The following CNTNAP2 variants were observed in gnomAD, a reference collection of about 807,000 sequenced individuals.
CNTNAP2 encodes contactin-associated protein-like 2.
A neutral mutation model predicts 155.2 loss-of-function variants in CNTNAP2; 98 were observed. That is an observed-to-expected ratio of 0.63 (90% CI 0.54 to 0.75). The LOEUF is 0.75. Ranked by LOEUF, CNTNAP2 falls within the 30% of genes least tolerant of loss-of-function variation. CNTNAP2 has a pLI of 0.00. For missense variants in CNTNAP2, 1,727 were observed against 1,688.1 expected (o/e 1.02, Z -0.40); for synonymous variants, 651 against 631.2 (o/e 1.03, Z -0.47).
At chr7:147,966,923 A>C (rs1423068798) in intron 14 of CNTNAP2, among the ~76,000 whole-genome samples, 1 of 152,128 alleles carries the variant, frequency 6.6e-6, no homozygotes, top group African/African-American at 2.4e-5. Context: ...CAGTTTCTGC[A>C]CTTATTTATT....
intron 21 of CNTNAP2, among the ~76,000 whole-genome samples, chr7:148,340,845 G>A (rs574523017): frequency 6.6e-5 from 10 of 152,196 alleles, no homozygotes; most frequent in Non-Finnish European, 1.5e-4. Context: ...AACAGAAAGT[G>A]TAATTACCGC....
intron 9 of CNTNAP2, among the ~76,000 whole-genome samples, chr7:147,355,096 A>G (rs1796039911): frequency 6.6e-6 from 1 of 151,748 alleles, no homozygotes; most frequent in South Asian, 2.1e-4. Context: ...ACAACTTGAC[A>G]TCTGGCTTGA....
intron 15 of CNTNAP2, among the ~76,000 whole-genome samples, chr7:147,988,996 A>C (rs1801667154): frequency 6.6e-6 from 1 of 152,170 alleles, no homozygotes; most frequent in African/African-American, 2.4e-5. Context: ...TGTTTCAGTG[A>C]GGGTGAAAAT....
intron 1 of CNTNAP2, among the ~76,000 whole-genome samples, chr7:146,603,271 G>T (rs1212302443): frequency 6.6e-6 from 1 of 150,924 alleles, no homozygotes; most frequent in African/African-American, 2.4e-5. Flanking sequence ...CATTAGCCGG[G>T]CGTGGTGGCG....
At chr7:147,351,439 G>A (rs533654278) in intron 9 of CNTNAP2, among the ~76,000 whole-genome samples, 4 of 151,676 alleles carry the variant, frequency 2.6e-5, no homozygotes, top group African/African-American at 7.3e-5. Flanking sequence ...GAGAAAAATA[G>A]CATCTGAGCA....
intron 4 of CNTNAP2, among the ~76,000 whole-genome samples, chr7:147,080,100 C>T (rs1271221367): frequency 2.0e-5 from 3 of 151,874 alleles, no homozygotes; most frequent in African/African-American, 4.8e-5. Flanking sequence ...AAATATCCCC[C>T]CAATTAGGAG....
chr7:148,150,102 C>CA (rs71188948), intron 17 of CNTNAP2, among the ~76,000 whole-genome samples: 8,719 of 84,020 alleles, frequency 0.1, 1,340 homozygotes, highest in Non-Finnish European at 0.16. Context: ...GGGGTTGTTA[C>CA]AAAAAAAAAA....
chr7:147,230,013 T>C (rs1397525501), intron 8 of CNTNAP2, among the ~76,000 whole-genome samples: 2 of 152,140 alleles, frequency 1.3e-5, no homozygotes, highest in Admixed American at 1.3e-4. Flanking sequence ...AGCAAAAATA[T>C]AGTTACTAAA....
intron 1 of CNTNAP2, among the ~76,000 whole-genome samples, chr7:146,746,950 G>A (rs1403396675): frequency 6.6e-6 from 1 of 152,014 alleles, no homozygotes; most frequent in Admixed American, 6.6e-5. Flanking sequence ...GGATATTTCT[G>A]TAGAAAATAA....
intron 2 of CNTNAP2, among the ~76,000 whole-genome samples, chr7:146,826,056 G>C (rs1803394061): frequency 2.0e-5 from 3 of 151,958 alleles, no homozygotes; most frequent in African/African-American, 7.2e-5. Flanking sequence ...ATGTCTTTTA[G>C]AGCTGAGCCT....
intron 21 of CNTNAP2, among the ~76,000 whole-genome samples, chr7:148,317,786 C>T (rs962459889): frequency 1.3e-5 from 2 of 151,824 alleles, no homozygotes; most frequent in Non-Finnish European, 2.9e-5. Context: ...CTGCAAGCTC[C>T]GCCTCCCGGG....
intron 13 of CNTNAP2, among the ~76,000 whole-genome samples, chr7:147,832,129 A>G (rs1798556463): frequency 6.8e-6 from 1 of 147,536 alleles, no homozygotes; most frequent in African/African-American, 2.5e-5. Context: ...ATACAATTAT[A>G]TTTTTATATT....
chr7:147,884,429 C>T (rs777473859), intron 13 of CNTNAP2, among the ~76,000 whole-genome samples: 3 of 150,816 alleles, frequency 2.0e-5, no homozygotes, highest in Non-Finnish European at 4.4e-5. Flanking sequence ...TAACCAAAAA[C>T]ATATCTGAAT....
At chr7:146,761,213 C>G (rs532086638) in intron 1 of CNTNAP2, among the ~76,000 whole-genome samples, 1 of 151,614 alleles carries the variant, frequency 6.6e-6, no homozygotes, top group East Asian at 1.9e-4. Flanking sequence ...GGGTTAATAA[C>G]TCATAGTAGA....
intron 13 of CNTNAP2, among the ~76,000 whole-genome samples, chr7:147,877,551 C>T (rs1200764745): frequency 6.6e-6 from 1 of 152,060 alleles, no homozygotes; most frequent in Non-Finnish European, 1.5e-5. Flanking sequence ...TTTGGTAAAA[C>T]CCTTCATTTA....
At chr7:148,324,423 C>T (rs1375973310) in intron 21 of CNTNAP2, among the ~76,000 whole-genome samples, 1 of 152,170 alleles carries the variant, frequency 6.6e-6, no homozygotes, top group Non-Finnish European at 1.5e-5. Context: ...TTCTCCATAA[C>T]TCACATTTTC....
chr7:146,901,945 G>A (rs943436516), intron 3 of CNTNAP2, among the ~76,000 whole-genome samples: 2 of 139,220 alleles, frequency 1.4e-5, no homozygotes, highest in African/African-American at 5.4e-5. Context: ...GTGCGATCTC[G>A]GCTCACTGCA....
At chr7:147,552,711 C>T (rs113802492) in intron 11 of CNTNAP2, among the ~76,000 whole-genome samples, 22 of 152,224 alleles carry the variant, frequency 1.4e-4, no homozygotes, top group African/African-American at 3.4e-4. Flanking sequence ...GAATAAAATA[C>T]GCCTTCTTCC....
chr7:146,246,273 G>T (rs1028843368), intron 1 of CNTNAP2, among the ~76,000 whole-genome samples: 36 of 150,984 alleles, frequency 2.4e-4, no homozygotes, highest in African/African-American at 8.1e-4. Context: ...GGAGGCTTTG[G>T]ATTGGGAAGA....
Sources: allele counts gnomAD v4.1 joint callset (sites outside exome capture counted in the v4.1 genomes callset), GRCh38; gene constraint gnomAD v4.1.1; transcripts MANE v1.5; gene names NCBI Gene and HGNC (gene_info 2026-07-23, HGNC 2026-07-21).